Variants in HOMER1 observed in about 807,000 individuals in gnomAD.
HOMER1 encodes the protein homer scaffold protein 1.
HOMER1 carries 3 observed loss-of-function variants against 48.9 expected under a neutral mutation model. That is an observed-to-expected ratio of 0.06 (90% CI 0.03 to 0.16). HOMER1 has a LOEUF of 0.16. HOMER1 is among the 10% of genes least tolerant of loss of function. The probability of loss-of-function intolerance (pLI) is 1.00; values close to 1 mark genes in which losing one functional copy is unlikely to be tolerated. For missense variants in HOMER1, 247 were observed against 411.4 expected (o/e 0.60, Z 3.46); for synonymous variants, 134 against 146.4 (o/e 0.92, Z 0.61).
chr5:79,500,938 T>TGTGTGTGTGG (rs1752560888), intron 1 of HOMER1, among the ~76,000 whole-genome samples: 1 of 116,022 alleles, frequency 8.6e-6, no homozygotes, highest in African/African-American at 3.9e-5. Context: ...TGTGTGTGTG[T>TGTGTGTGTGG]GTGTGTGTGT....
intron 2 of HOMER1, 140 bp downstream of exon 2, chr5:79,456,722 T>A (rs533505023): frequency 2.9e-6 from 2 of 697,750 alleles, no homozygotes; most frequent in Admixed American, 3.0e-5. Context: ...ACCTTAATAA[T>A]CCATTTTGTT....
At chr5:79,376,516 A>C (rs1561339298) in intron 8 of HOMER1, among the ~76,000 whole-genome samples, 2 of 152,170 alleles carry the variant, frequency 1.3e-5, no homozygotes, top group Non-Finnish European at 2.9e-5. Context: ...GATCACTTAG[A>C]TCTCATTTTT....
intron 5 of HOMER1, among the ~76,000 whole-genome samples, chr5:79,426,795 T>C (rs1750269140): frequency 6.6e-6 from 1 of 152,142 alleles, no homozygotes; most frequent in Non-Finnish European, 1.5e-5. Context: ...GACTAGAATA[T>C]ATGGGGAATG....
Position 79,375,354 on chromosome 5 carries a change from C to G in HOMER1, c.*655G>C, listed in dbSNP as rs1468961255. On this transcript the variant is annotated 3_prime_UTR_variant, in exon 9 of 9. Coordinates refer to ENST00000334082, the MANE Select transcript of HOMER1 (RefSeq NM_004272.5). ...ATGGAAAAGTAAACTATACAACAGA[C>G]AAGATTAGAGAACACCAGAGTGTAC... 6.6e-6 allele frequency: 1 copy of G among 151,908 alleles called. No homozygotes were observed. Among genetic ancestry groups the G allele is most frequent in the Non-Finnish European group, 1.5e-5 (1 of 67,898 alleles). 9.4% of individuals were successfully genotyped at this position (151,908 alleles called of 1,614,324 possible).
At chr5:79,410,428 C>A (rs1273874268) in intron 5 of HOMER1, among the ~76,000 whole-genome samples, 1 of 148,818 alleles carries the variant, frequency 6.7e-6, no homozygotes, top group Non-Finnish European at 1.5e-5. Context: ...GAGGCGGAGG[C>A]TGCAGTGAGC....
rs9784643 is a variant in HOMER1, at chr5:79,508,468, A to T, written c.5+4302T>A. 5.5e-3 allele frequency among the ~76,000 whole-genome samples: 832 copies of T among 152,304 alleles called. 8 individuals carry two copies. Among genetic ancestry groups the T allele is most frequent in the African/African-American group, 0.019 (794 of 41,562 alleles). On this transcript the variant is annotated intron_variant, in intron 1 of 8. Coordinates refer to ENST00000334082, the MANE Select transcript of HOMER1 (RefSeq NM_004272.5). ...AAACTACAGGATAATCCAATCTTTC[A>T]TTTGATCTACATGGTTCTCCAACCC...
At chr5:79,461,658 T>G (rs921365318) in intron 1 of HOMER1, among the ~76,000 whole-genome samples, 5 of 152,138 alleles carry the variant, frequency 3.3e-5, no homozygotes, top group Non-Finnish European at 7.4e-5. Flanking sequence ...CTCCTAGGAT[T>G]TATATTTATG....
intron 6 of HOMER1, among the ~76,000 whole-genome samples, chr5:79,401,671 T>TG (rs1749539714): frequency 6.6e-6 from 1 of 152,214 alleles, no homozygotes; most frequent in Non-Finnish European, 1.5e-5. Context: ...ATGGATAATA[T>TG]GGGGAATCAA....
chr5:79,394,923 CTT>C (rs749901377), intron 8 of HOMER1, among the ~76,000 whole-genome samples: 46 of 152,272 alleles, frequency 3.0e-4, no homozygotes, highest in Non-Finnish European at 5.9e-4. Flanking sequence ...TATATCATCT[CTT>C]TGTTTCTCTT....
At chr5:79,427,664 CT>C (rs1375613735) in intron 5 of HOMER1, among the ~76,000 whole-genome samples, 8 of 109,306 alleles carry the variant, frequency 7.3e-5, no homozygotes, top group South Asian at 3.2e-4. Context: ...TCCTTCCTTC[CT>C]TTCCTTCCCT....
At chr5:79,494,447 T>C (rs778289305) in intron 1 of HOMER1, among the ~76,000 whole-genome samples, 1 of 152,248 alleles carries the variant, frequency 6.6e-6, no homozygotes, top group Non-Finnish European at 1.5e-5. Context: ...AATATCTATC[T>C]AGATCACTGT....
At chr5:79,441,470 G>GGGGA (rs1750733705) in intron 4 of HOMER1, among the ~76,000 whole-genome samples, 1 of 152,072 alleles carries the variant, frequency 6.6e-6, no homozygotes, top group South Asian at 2.1e-4. Flanking sequence ...AAGTTAAGAA[G>GGGGA]GGGAGAAAGA....
At chr5:79,456,802 T>A in intron 2 of HOMER1, 60 bp downstream of exon 2, 1 of 1,466,262 alleles carries the variant, frequency 6.8e-7, no homozygotes, top group South Asian at 1.2e-5. Flanking sequence ...TGAATAGAAC[T>A]AAAATGTCAT....
intron 6 of HOMER1, among the ~76,000 whole-genome samples, chr5:79,398,584 C>T (rs1749455258): frequency 6.6e-6 from 1 of 152,106 alleles, no homozygotes; most frequent in South Asian, 2.1e-4. Context: ...CAACAGCCTC[C>T]CAGTGGACTT....
At chr5:79,446,137 C>T (rs1750873076) in intron 4 of HOMER1, among the ~76,000 whole-genome samples, 1 of 152,126 alleles carries the variant, frequency 6.6e-6, no homozygotes, top group Non-Finnish European at 1.5e-5. Flanking sequence ...TGCAAACTAG[C>T]CAATCCAGAG....
intron 1 of HOMER1, among the ~76,000 whole-genome samples, chr5:79,506,423 C>T (rs577414587): frequency 2.0e-5 from 3 of 151,646 alleles, no homozygotes; most frequent in African/African-American, 4.8e-5. Flanking sequence ...TCAGGACAGA[C>T]GGAAAAAGGA....
At chr5:79,468,713 G>A (rs1248931708) in intron 1 of HOMER1, among the ~76,000 whole-genome samples, 1 of 152,180 alleles carries the variant, frequency 6.6e-6, no homozygotes, top group South Asian at 2.1e-4. Context: ...GCACACAAGA[G>A]ATACACTAGA....
At chr5:79,497,320 A>G (rs1752454285) in intron 1 of HOMER1, among the ~76,000 whole-genome samples, 1 of 152,030 alleles carries the variant, frequency 6.6e-6, no homozygotes, top group South Asian at 2.1e-4. Context: ...TAAAAAGATT[A>G]GAGACCAGTT....
chr5:79,384,920 AC>A (rs1749071091), intron 8 of HOMER1, among the ~76,000 whole-genome samples: 1 of 152,176 alleles, frequency 6.6e-6, no homozygotes, highest in South Asian at 2.1e-4. Flanking sequence ...TGCAGAAAAA[AC>A]ATTTGATAAA....
Sources: gnomAD v4.1 joint callset for allele counts (sites outside exome capture counted in the v4.1 genomes callset) on GRCh38, gnomAD v4.1.1 for gene constraint, MANE v1.5 for transcripts, NCBI Gene and HGNC (gene_info 2026-07-23, HGNC 2026-07-21) for gene names.